Variants in MYSM1 observed in about 807,000 individuals in gnomAD.
The protein encoded by MYSM1 is Myb like, SWIRM and MPN domains 1.
A neutral mutation model predicts 116.0 loss-of-function variants in MYSM1; 51 were observed. The ratio of observed to expected loss-of-function variants is 0.44; its 90% CI spans 0.35 to 0.56. The LOEUF (loss-of-function observed/expected upper bound fraction) is 0.56, where lower values mean the gene tolerates loss of function less well. Ranked by LOEUF, MYSM1 falls within the 20% of genes least tolerant of loss-of-function variation. The pLI, the probability that MYSM1 is intolerant of heterozygous loss-of-function variation, is 0.00. For synonymous variants in MYSM1, 313 were observed against 315.2 expected, an observed-to-expected ratio of 0.99 and a Z score of 0.07; for missense variants, 900 against 974.9, an observed-to-expected ratio of 0.92 and a Z score of 1.02.
In MYSM1 at chr1:58,693,371, T is replaced by C. The variant is rs1569804685; in HGVS notation, c.148-440A>G. Among the ~76,000 whole-genome samples, 4 of 152,268 alleles carry C rather than the reference T, an allele frequency of 2.6e-5. 1 individual carries two copies. Among genetic ancestry groups the C allele is most frequent in the Admixed American group, 2.6e-4 (4 of 15,292 alleles). On this transcript the variant is annotated intron_variant, in intron 2 of 19. Coordinates refer to ENST00000472487, the MANE Select transcript of MYSM1 (RefSeq NM_001085487.3). ...CCAAGTTAAGTATTTTCAGCTCATA[T>C]CTCTTCTTCAAGCTCTAGGCCATAA...
chr1:58,665,319 CAGG>C (rs1644451553), intron 17 of MYSM1, among the ~76,000 whole-genome samples, 177 bp downstream of exon 17: 1 of 152,160 alleles, frequency 6.6e-6, no homozygotes, highest in South Asian at 2.1e-4. Context: ...TTGAATATAG[CAGG>C]AGATTAAGAA....
intron 12 of MYSM1, 110 bp downstream of exon 12, chr1:58,671,760 T>A (rs1456459419): frequency 1.3e-6 from 1 of 769,240 alleles, no homozygotes; most frequent in East Asian, 3.0e-5. Flanking sequence ...TGTAGCAGTA[T>A]TTTTTTAAAC....
chr1:58,685,431 T>G (rs1427675497), intron 6 of MYSM1, among the ~76,000 whole-genome samples, 180 bp from the exon 7 acceptor site: 1 of 152,174 alleles, frequency 6.6e-6, no homozygotes, highest in Non-Finnish European at 1.5e-5. Context: ...ATTCATTCTT[T>G]TGGAATCTGA....
In MYSM1 at chr1:58,699,727, T is replaced by C. The variant is rs149106323; in HGVS notation, c.68+258A>G. ...TAAATGTAAATCAAACGCAATGTGG[T>C]AGGCGAAATCGGTGCCCTCACAGCA... On this transcript the variant is annotated intron_variant, in intron 1 of 19. Transcript: ENST00000472487. The C allele has an allele frequency of 2.7e-4, 268 of 985,392 alleles. No individual in the cohort carries two copies. In the African/African-American group the frequency reaches 4.2e-3, roughly 16 times the overall value. 61.0% of individuals were successfully genotyped at this position (985,392 alleles called of 1,614,324 possible).
Position 58,682,340 on chromosome 1 carries a change from T to C in MYSM1, c.704A>G (p.Gln235Arg), listed in dbSNP as rs750433136. The change falls in exon 8 of 20, where the codon CAA becomes CGA. Residue 235 changes from glutamine (Q) to arginine (R), a missense_variant. Gln to Arg is a conservative substitution (Grantham distance 43). This residue lies in a region of MYSM1 where 622 missense variants were observed against 623.7 expected (regional missense o/e 1.00). Transcript: ENST00000472487. The stretch of plus-strand genomic sequence containing the variant: ...ACTGCTAGAATTCTTCTGGGGTGTT[T>C]GAGAAGACAACTCGTCCACCTCATC... ...ITDEVDELSS[Q>R]TPQKNSSSDL... 1 of 1,614,000 alleles carries C rather than the reference T, an allele frequency of 6.2e-7. No individual in the cohort carries two copies. Among genetic ancestry groups the C allele is most frequent in the South Asian group, 1.1e-5 (1 of 91,088 alleles).
chr1:58,690,014 C>T (rs1229657277), intron 5 of MYSM1, among the ~76,000 whole-genome samples: 1 of 152,084 alleles, frequency 6.6e-6, no homozygotes, highest in Non-Finnish European at 1.5e-5. Flanking sequence ...GAAAGAATTG[C>T]CTACATAGGG....
chr1:58,697,988 C>A (rs1319643775), intron 1 of MYSM1, among the ~76,000 whole-genome samples: 1 of 148,644 alleles, frequency 6.7e-6, no homozygotes, highest in Non-Finnish European at 1.5e-5. Context: ...TTCACAGATG[C>A]TATAATATCA....
Position 58,681,296 on chromosome 1 carries a change from T to C in MYSM1, c.1259+489A>G, listed in dbSNP as rs376728583. 2.4e-3 allele frequency among the ~76,000 whole-genome samples: 363 copies of C among 152,326 alleles called. 15 individuals are homozygous for C. In the South Asian group the frequency reaches 0.072, roughly 30 times the overall value. ...AAGCTTCATCTATCAGAAAACTGTA[T>C]CCTGATAAAACTGGATGAAGAAATT... On this transcript the variant is annotated intron_variant, in intron 8 of 19. Coordinates refer to ENST00000472487, the MANE Select transcript of MYSM1 (RefSeq NM_001085487.3).
intron 3 of MYSM1, 141 bp downstream of exon 3, chr1:58,692,720 C>A: frequency 1.8e-6 from 1 of 559,402 alleles, no homozygotes. Context: ...TTTTTGCATA[C>A]ATAGGTAACA....
Position 58,658,938 on chromosome 1 carries a change from A to G in MYSM1, c.*1059T>C, listed in dbSNP as rs1644353373. 7.1e-6 allele frequency: 1 copy of G among 140,816 alleles called. No homozygotes were observed. The highest frequency in any genetic ancestry group is 1.6e-5 in the Non-Finnish European group (1 of 64,456). The allele number at this position is 140,816 out of a possible 1,614,324, so 8.7% of individuals were successfully genotyped here. On this transcript the variant is annotated 3_prime_UTR_variant, in exon 20 of 20. Transcript: ENST00000472487. Reference sequence around the variant, plus strand: ...GGCCTGTGAGTTAACAATGGTTTTTATCATTTTAAAGGGCTGTAAAACACA... The same window carrying G: ...GGCCTGTGAGTTAACAATGGTTTTTGTCATTTTAAAGGGCTGTAAAACACA...
chr1:58,682,649 C>A, intron 7 of MYSM1, 104 bp from the exon 8 acceptor site: 3 of 1,046,850 alleles, frequency 2.9e-6, no homozygotes, highest in Non-Finnish European at 4.0e-6. Context: ...AAACTGAATA[C>A]ATGTAAATGG....
At chr1:58,685,323 A>AT in intron 6 of MYSM1, 72 bp from the exon 7 acceptor site, 1 of 857,130 alleles carries the variant, frequency 1.2e-6, no homozygotes. Flanking sequence ...CCACTACCAC[A>AT]TTAAAAAAAA....
rs569102163 is a variant in MYSM1, at chr1:58,659,272, T to A, written c.*725A>T. ...TATGTTCCAGTTAAATGAGGTTTTA[T>A]CACACCTACTAATGTAAGTGGACTC... On this transcript the variant is annotated 3_prime_UTR_variant, in exon 20 of 20. Coordinates refer to ENST00000472487, the MANE Select transcript of MYSM1 (RefSeq NM_001085487.3). 6.6e-6 allele frequency: 1 copy of A among 152,322 alleles called. No homozygotes were observed. Among genetic ancestry groups the A allele is most frequent in the Admixed American group, 6.5e-5 (1 of 15,292 alleles). 9.4% of individuals were successfully genotyped at this position (152,322 alleles called of 1,614,324 possible).
chr1:58,690,330 T>A lies in MYSM1; in HGVS notation c.296+10A>T. On this transcript the variant is annotated intron_variant, in intron 4 of 19. Coordinates refer to ENST00000472487, the MANE Select transcript of MYSM1 (RefSeq NM_001085487.3). ...TCCAGACTTTTAGAAATATTATAAA[T>A]TGATTTTACCTCTTCATGTATTTTT... 6.3e-7 allele frequency: 1 copy of A among 1,593,572 alleles called. No homozygotes were observed. Among genetic ancestry groups the A allele is most frequent in the Non-Finnish European group, 8.5e-7 (1 of 1,171,576 alleles).
At position 58,699,925 on chromosome 1, in the gene MYSM1, G is replaced by A; in HGVS notation, c.68+60C>T. 3.7e-6 allele frequency: 6 copies of A among 1,608,652 alleles called. 1 individual carries two copies. In the South Asian group the frequency reaches 6.6e-5, roughly 18 times the overall value. On this transcript the variant is annotated intron_variant, in intron 1 of 19. Coordinates refer to ENST00000472487, the MANE Select transcript of MYSM1 (RefSeq NM_001085487.3). ...TTGCCGGACCTGCAGCTTTCCCAGG[G>A]CCCGCTCCTTCAATCCACTCCCCTC...
Position 58,667,853 on chromosome 1 carries a change from T to C in MYSM1, c.1836A>G (p.Val612=). 1 of 1,597,950 alleles carries C rather than the reference T, an allele frequency of 6.3e-7. No individual in the cohort carries two copies. The highest frequency in any genetic ancestry group is 2.2e-5 in the East Asian group (1 of 44,764). ...TTTAAAAGAGAGAACTTACTTCAAC[T>C]ACTTTATCAACTTCTGAGTATCTTC... ...LGGRYSEVDK[V]VEVCAAEPCN... The change falls in exon 15 of 20, where the codon GTA becomes GTG. Residue 612 remains valine, a synonymous_variant. Coordinates refer to ENST00000472487, the MANE Select transcript of MYSM1 (RefSeq NM_001085487.3).
At chr1:58,699,932 C>G in intron 1 of MYSM1, 53 bp downstream of exon 1, 1 of 1,611,004 alleles carries the variant, frequency 6.2e-7, no homozygotes, top group South Asian at 1.1e-5. Flanking sequence ...AGGGCCCGCT[C>G]CTTCAATCCA....
intron 16 of MYSM1, 112 bp from the exon 17 acceptor site, chr1:58,665,743 G>A: frequency 1.3e-6 from 1 of 762,964 alleles, no homozygotes; most frequent in South Asian, 2.0e-5. Flanking sequence ...ACAAAAAGGT[G>A]CATTAAAAAG....
chr1:58,675,721 C>A, intron 9 of MYSM1, 141 bp from the exon 10 acceptor site: 5 of 553,898 alleles, frequency 9.0e-6, no homozygotes, highest in Non-Finnish European at 1.3e-5. Flanking sequence ...CTACTGAGCA[C>A]CCCTCAAATT....
Sources: allele counts gnomAD v4.1 joint callset (sites outside exome capture counted in the v4.1 genomes callset), GRCh38; gene constraint gnomAD v4.1.1; regional missense constraint gnomAD v4.1.1; transcripts MANE v1.5; gene names NCBI Gene and HGNC (gene_info 2026-07-23, HGNC 2026-07-21).